RANBP2: variants seen among roughly 807,000 people sequenced by gnomAD.
RANBP2 encodes RAN binding protein 2.
RANBP2 carries 57 observed loss-of-function variants against 303.6 expected under a neutral mutation model. That is an observed-to-expected ratio of 0.19 (90% CI 0.15 to 0.23). The LOEUF (loss-of-function observed/expected upper bound fraction) is 0.23. Ranked by LOEUF, RANBP2 falls within the 10% of genes least tolerant of loss-of-function variation. The pLI is 1.00. For missense variants in RANBP2, 3,138 were observed against 3,780.8 expected, an observed-to-expected ratio of 0.83 and a Z score of 4.46; for synonymous variants, 1,167 against 1,301.5, an observed-to-expected ratio of 0.90 and a Z score of 2.23.
chr2:109,681,503 T>C, the RANBP2 span, among the ~76,000 whole-genome samples: 2 of 152,138 alleles, frequency 1.3e-5, no homozygotes, highest in Admixed American at 6.5e-5. Flanking sequence ...AGTAATGAAG[T>C]AGCATTGAAA....
chr2:108,786,724 G>C (rs908859494), downstream of RANBP2: 40 of 1,140,314 alleles, frequency 3.5e-5, no homozygotes, highest in Admixed American at 6.1e-5. Flanking sequence ...CGTGCCTCGG[G>C]GGGGCGGGGT....
the RANBP2 span, among the ~76,000 whole-genome samples, chr2:109,282,310 T>C: frequency 6.6e-6 from 1 of 152,110 alleles, no homozygotes; most frequent in Non-Finnish European, 1.5e-5. Flanking sequence ...GTGTTCATAA[T>C]TGGTGCAAGT....
chr2:109,352,957 A>G, the RANBP2 span, among the ~76,000 whole-genome samples: 3 of 152,252 alleles, frequency 2.0e-5, no homozygotes, highest in Admixed American at 1.3e-4. Context: ...GAACCTACAC[A>G]GAATGTGAGC....
the RANBP2 span, among the ~76,000 whole-genome samples, chr2:109,414,598 G>T: frequency 6.6e-6 from 1 of 152,100 alleles, no homozygotes; most frequent in Non-Finnish European, 1.5e-5. Context: ...AGACTGCATT[G>T]CCTCATAGAT....
the RANBP2 span, chr2:109,614,339 G>T: frequency 4.4e-6 from 3 of 688,088 alleles, no homozygotes; most frequent in South Asian, 7.5e-5. Flanking sequence ...GGCCCAGTGA[G>T]GCGGTGGCCG....
At chr2:108,902,458 A>G in the RANBP2 span, among the ~76,000 whole-genome samples, 26 of 152,222 alleles carry the variant, frequency 1.7e-4, no homozygotes, top group Admixed American at 5.2e-4. Flanking sequence ...ATTCTACAAA[A>G]TGTTTAAGAA....
chr2:109,494,446 C>CAT, the RANBP2 span, among the ~76,000 whole-genome samples: 1 of 152,188 alleles, frequency 6.6e-6, no homozygotes, highest in Non-Finnish European at 1.5e-5. Context: ...GGAGCCCTAG[C>CAT]AGGTCGGAGC....
the RANBP2 span, among the ~76,000 whole-genome samples, chr2:109,254,147 C>T: frequency 1.6e-4 from 24 of 152,286 alleles, no homozygotes; most frequent in African/African-American, 4.3e-4. Context: ...AGCAAGGACT[C>T]TTAGAGGAAA....
the RANBP2 span, among the ~76,000 whole-genome samples, chr2:109,368,355 A>G: frequency 1.8e-4 from 28 of 152,190 alleles, no homozygotes; most frequent in Non-Finnish European, 3.2e-4. Context: ...TTAAACATCT[A>G]TTCATATTTT....
the RANBP2 span, chr2:109,419,391 G>A: frequency 5.2e-6 from 4 of 773,456 alleles, no homozygotes; most frequent in South Asian, 3.5e-5. Context: ...TCCCATGACA[G>A]TCCAGGTAGG....
chr2:109,397,821 C>T, the RANBP2 span, among the ~76,000 whole-genome samples: 4 of 152,348 alleles, frequency 2.6e-5, no homozygotes, highest in Non-Finnish European at 4.4e-5. Context: ...TGCTCATGGA[C>T]TTGAACCTTC....
At chr2:109,251,591 T>C in the RANBP2 span, 4 of 968,280 alleles carry the variant, frequency 4.1e-6, no homozygotes, top group East Asian at 2.4e-5. Flanking sequence ...CAGAACAATA[T>C]TGGAATGGTG....
At chr2:109,192,239 G>A in the RANBP2 span, among the ~76,000 whole-genome samples, 1 of 152,168 alleles carries the variant, frequency 6.6e-6, no homozygotes, top group African/African-American at 2.4e-5. Context: ...TCTAAGCAGG[G>A]AACCTGTCCC....
chr2:109,601,988 G>A, the RANBP2 span, among the ~76,000 whole-genome samples: 1 of 152,176 alleles, frequency 6.6e-6, no homozygotes, highest in African/African-American at 2.4e-5. Flanking sequence ...CCCATGAATA[G>A]ACTAGTGAGG....
the RANBP2 span, among the ~76,000 whole-genome samples, chr2:109,024,047 T>G: frequency 3.3e-5 from 5 of 152,302 alleles, no homozygotes; most frequent in South Asian, 1.0e-3. Flanking sequence ...TGCCTCAGCC[T>G]CCTGAGGAGC....
chr2:108,772,137 T>C (rs1677551198), intron 21 of RANBP2, among the ~76,000 whole-genome samples: 2 of 152,136 alleles, frequency 1.3e-5, no homozygotes, highest in Non-Finnish European at 1.5e-5. Context: ...GCTGGAGTCT[T>C]AAAGATGTGG....
At chr2:109,097,253 G>A in the RANBP2 span, among the ~76,000 whole-genome samples, 1 of 152,112 alleles carries the variant, frequency 6.6e-6, no homozygotes, top group Admixed American at 6.5e-5. Context: ...GCAGTGAGGT[G>A]AGATCGCGCC....
the RANBP2 span, among the ~76,000 whole-genome samples, chr2:109,642,472 G>A: frequency 0.016 from 2,400 of 152,198 alleles, 59 homozygotes; most frequent in African/African-American, 0.055. Flanking sequence ...TAACAAGGCC[G>A]GGAGCGGTGG....
the RANBP2 span, among the ~76,000 whole-genome samples, chr2:108,850,876 T>G: frequency 6.6e-6 from 1 of 152,028 alleles, no homozygotes; most frequent in African/African-American, 2.4e-5. Context: ...GTGTGGAGGT[T>G]TTTCCCCACA....
Sources: gnomAD v4.1 joint callset for allele counts (sites outside exome capture counted in the v4.1 genomes callset) on GRCh38, gnomAD v4.1.1 for gene constraint, MANE v1.5 for transcripts, NCBI Gene and HGNC (gene_info 2026-07-23, HGNC 2026-07-21) for gene names.